The following TACR3 variants were observed in gnomAD, a reference collection of about 807,000 sequenced individuals.
TACR3 encodes neuromedin-K receptor.
TACR3 carries 34 observed loss-of-function variants against 35.0 expected under a neutral mutation model. That is an observed-to-expected ratio of 0.97 (90% CI 0.74 to 1.30). The LOEUF (loss-of-function observed/expected upper bound fraction) is 1.30. Ranked by LOEUF, TACR3 falls within the 50% of genes most tolerant of loss-of-function variation. TACR3 has a pLI of 0.00. For missense variants in TACR3, 558 were observed against 591.7 expected, an observed-to-expected ratio of 0.94 and a Z score of 0.59; for synonymous variants, 233 against 221.1, an observed-to-expected ratio of 1.05 and a Z score of -0.48.
intron 1 of TACR3, among the ~76,000 whole-genome samples, chr4:103,670,266 A>C (rs942903999): frequency 1.3e-5 from 2 of 152,000 alleles, no homozygotes; most frequent in Non-Finnish European, 2.9e-5. Flanking sequence ...CAGGTAATGT[A>C]ATTCCTCAAG....
intron 3 of TACR3, among the ~76,000 whole-genome samples, chr4:103,596,320 C>T (rs558834325): frequency 2.0e-4 from 31 of 152,070 alleles, no homozygotes; most frequent in South Asian, 4.2e-4. Context: ...CCTGAGGAAT[C>T]GCCACACTGA....
chr4:103,710,326 T>A (rs191185003), intron 1 of TACR3, among the ~76,000 whole-genome samples: 1 of 152,230 alleles, frequency 6.6e-6, no homozygotes, highest in African/African-American at 2.4e-5. Context: ...CACAGTGTAA[T>A]CAAAATAGAA....
chr4:103,620,619 G>A (rs542679018), intron 3 of TACR3, among the ~76,000 whole-genome samples: 8 of 152,218 alleles, frequency 5.3e-5, no homozygotes, highest in Non-Finnish European at 1.2e-4. Context: ...CCCGGAGGTC[G>A]TTATCCTAAA....
chr4:103,662,283 C>T (rs116490461), intron 1 of TACR3, among the ~76,000 whole-genome samples: 3,881 of 149,958 alleles, frequency 0.026, 171 homozygotes, highest in African/African-American at 0.09. Context: ...TGCAGTGGCA[C>T]GATCTTGGCT....
intron 3 of TACR3, among the ~76,000 whole-genome samples, chr4:103,624,100 A>C (rs1416518776): frequency 6.6e-6 from 1 of 152,168 alleles, no homozygotes; most frequent in East Asian, 1.9e-4. Flanking sequence ...GTAACATTTG[A>C]AGGACCCGTT....
At chr4:103,678,158 A>G (rs1006640419) in intron 1 of TACR3, among the ~76,000 whole-genome samples, 1 of 152,142 alleles carries the variant, frequency 6.6e-6, no homozygotes, top group African/African-American at 2.4e-5. Context: ...TTAAATGGAA[A>G]TATTCAGTGT....
At chr4:103,705,907 C>T (rs1553912608) in intron 1 of TACR3, among the ~76,000 whole-genome samples, 8 of 151,992 alleles carry the variant, frequency 5.3e-5, no homozygotes, top group Non-Finnish European at 1.0e-4. Context: ...GCAATGGAAA[C>T]GTTGTAGGAT....
At chr4:103,663,215 T>G (rs142707892) in intron 1 of TACR3, among the ~76,000 whole-genome samples, 1 of 152,098 alleles carries the variant, frequency 6.6e-6, no homozygotes, top group African/African-American at 2.4e-5. Flanking sequence ...AAGCAAATGT[T>G]GGGCACAGTG....
intron 3 of TACR3, among the ~76,000 whole-genome samples, chr4:103,595,230 A>C (rs1304672100): frequency 1.3e-5 from 2 of 152,184 alleles, no homozygotes; most frequent in Non-Finnish European, 2.9e-5. Flanking sequence ...AAAAAGAATC[A>C]GGTGGTAAAC....
At chr4:103,664,910 A>G (rs1725905930) in intron 1 of TACR3, among the ~76,000 whole-genome samples, 1 of 151,456 alleles carries the variant, frequency 6.6e-6, no homozygotes. Flanking sequence ...TCTTGGCTCA[A>G]GTGATCTTTC....
At chr4:103,664,914 A>G (rs889365526) in intron 1 of TACR3, among the ~76,000 whole-genome samples, 4 of 151,008 alleles carry the variant, frequency 2.6e-5, no homozygotes, top group East Asian at 1.9e-4. Context: ...GGCTCAAGTG[A>G]TCTTTCTGCC....
At chr4:103,712,733 A>T (rs529674724) in intron 1 of TACR3, among the ~76,000 whole-genome samples, 3 of 152,324 alleles carry the variant, frequency 2.0e-5, no homozygotes, top group Admixed American at 2.0e-4. Flanking sequence ...CATCTGACAA[A>T]GGGCTAATAT....
intron 1 of TACR3, among the ~76,000 whole-genome samples, chr4:103,710,634 C>G (rs1560541236): frequency 6.6e-6 from 1 of 152,104 alleles, no homozygotes; most frequent in Non-Finnish European, 1.5e-5. Flanking sequence ...CAAGAAAAAA[C>G]TAAGATCAGA....
At chr4:103,637,092 T>G (rs371246142) in intron 3 of TACR3, among the ~76,000 whole-genome samples, 211 of 151,938 alleles carry the variant, frequency 1.4e-3, no homozygotes, top group Non-Finnish European at 1.5e-3. Context: ...ATTTTATGAG[T>G]CCAGCATCAT....
intron 3 of TACR3, among the ~76,000 whole-genome samples, chr4:103,605,007 A>T (rs1383813090): frequency 3.8e-5 from 5 of 133,300 alleles, no homozygotes; most frequent in Admixed American, 1.6e-4. Flanking sequence ...CAGTCCCCAG[A>T]GTGTGATGTT....
At chr4:103,649,143 T>C (rs973377345) in intron 3 of TACR3, among the ~76,000 whole-genome samples, 2 of 152,148 alleles carry the variant, frequency 1.3e-5, no homozygotes, top group Non-Finnish European at 2.9e-5. Context: ...TTAGATTTTT[T>C]TCCTAGAGAG....
chr4:103,717,121 T>C (rs909391613), intron 1 of TACR3, among the ~76,000 whole-genome samples: 10 of 152,144 alleles, frequency 6.6e-5, no homozygotes, highest in Admixed American at 5.9e-4. Context: ...TGCAGAAAGA[T>C]TGGTAAACTA....
At chr4:103,591,326 T>TG (rs1391993645) in intron 4 of TACR3, 161 bp downstream of exon 4, 8 of 759,566 alleles carry the variant, frequency 1.1e-5, no homozygotes, top group Non-Finnish European at 1.8e-5. Flanking sequence ...AAAGTGTGTA[T>TG]GGGGGTCTTG....
intron 3 of TACR3, among the ~76,000 whole-genome samples, chr4:103,621,939 T>A (rs1724789831): frequency 6.6e-6 from 1 of 152,042 alleles, no homozygotes; most frequent in Admixed American, 6.6e-5. Context: ...CCAAATGAGA[T>A]CCTAAATGAA....
Sources: gnomAD v4.1 joint callset for allele counts (sites outside exome capture counted in the v4.1 genomes callset) on GRCh38, gnomAD v4.1.1 for gene constraint, MANE v1.5 for transcripts, NCBI Gene and HGNC (gene_info 2026-07-23, HGNC 2026-07-21) for gene names.